The following CSF2RA variants were observed in gnomAD, a reference collection of about 807,000 sequenced individuals.
CSF2RA encodes the protein colony stimulating factor 2 receptor subunit alpha, also known as granulocyte-macrophage colony-stimulating factor receptor subunit alpha.
Under a neutral mutation model 51.6 loss-of-function variants are expected in CSF2RA, and 42 were observed. That is an observed-to-expected ratio of 0.81 (90% CI 0.64 to 1.05). The LOEUF (loss-of-function observed/expected upper bound fraction) is 1.05, where lower values mean the gene tolerates loss of function less well. Among genes scored for constraint, CSF2RA ranks in the 50% least tolerant of loss-of-function variants. The pLI is 0.00. For synonymous variants in CSF2RA, 222 were observed against 193.0 expected (o/e 1.15, Z -1.24); for missense variants, 530 against 501.1 (o/e 1.06, Z -0.55).
chrX:1,315,994 GGATAGACA>G, the CSF2RA span, among the ~76,000 whole-genome samples: 2 of 120,442 alleles, frequency 1.7e-5, no homozygotes, highest in African/African-American at 3.0e-5. Context: ...GATGATAGAT[GGATAGACA>G]GATAGATAGA....
chrX:1,314,240 ACC>A (rs1354551946), downstream of CSF2RA, among the ~76,000 whole-genome samples: 150 of 110,892 alleles, frequency 1.4e-3, 1 homozygote, highest in African/African-American at 3.2e-3. Context: ...CACCTGCCCA[ACC>A]CCACTGCACC....
chrX:1,302,063 C>T (rs1443854289), intron 10 of CSF2RA, among the ~76,000 whole-genome samples: 1 of 150,798 alleles, frequency 6.6e-6, no homozygotes, highest in Non-Finnish European at 1.5e-5. Flanking sequence ...ATTACAGGCG[C>T]CCGCCACCAC....
intron 8 of CSF2RA, among the ~76,000 whole-genome samples, chrX:1,294,853 C>A (rs867560815): frequency 6.0e-3 from 166 of 27,480 alleles, no homozygotes; most frequent in Middle Eastern, 0.025. Flanking sequence ...CCCACCTCCA[C>A]CTACACCCAG....
chrX:1,290,269 T>A, intron 6 of CSF2RA, 68 bp from the exon 7 acceptor site: 1 of 1,306,576 alleles, frequency 7.7e-7, no homozygotes, highest in Non-Finnish European at 1.1e-6. Context: ...TTGTTTTTGT[T>A]TTGTTTTGTG....
chrX:1,314,841 C>T (rs865926404), downstream of CSF2RA, among the ~76,000 whole-genome samples: 3 of 102,034 alleles, frequency 2.9e-5, no homozygotes, highest in African/African-American at 7.3e-5. Flanking sequence ...CGCACTGCAC[C>T]TGCCCAATCC....
At chrX:1,285,105 G>T (rs1337208898) in intron 3 of CSF2RA, among the ~76,000 whole-genome samples, 1 of 151,004 alleles carries the variant, frequency 6.6e-6, no homozygotes, top group Non-Finnish European at 1.5e-5. Flanking sequence ...TTGCTATGTT[G>T]CCCAGGCGGG....
intron 12 of CSF2RA, among the ~76,000 whole-genome samples, chrX:1,308,698 G>T (rs753005317): frequency 1.3e-5 from 2 of 151,844 alleles, no homozygotes; most frequent in African/African-American, 2.4e-5. Context: ...CCACCCCCAC[G>T]CCAGCCTCCT....
In CSF2RA at chrX:1,275,893, A is replaced by G. The variant is rs1436375358; in HGVS notation, c.-27+1075A>G. Among the ~76,000 whole-genome samples the G allele has an allele frequency of 2.0e-5, 3 of 151,020 alleles. No homozygotes were observed. In the East Asian group the frequency reaches 5.9e-4, roughly 30 times the overall value. On this transcript the variant is annotated intron_variant, in intron 2 of 12. Coordinates refer to ENST00000381529, the MANE Select transcript of CSF2RA (RefSeq NM_172245.4). ...TTTTTAGTAGCGACGGGGTTTCACC[A>G]TGTTGGCCAGGCTGGTCTCAAACTT...
intron 2 of CSF2RA, among the ~76,000 whole-genome samples, chrX:1,281,309 C>T (rs1411902598): frequency 1.5e-5 from 2 of 132,328 alleles, no homozygotes; most frequent in Non-Finnish European, 3.2e-5. Flanking sequence ...TCCTTCTCTT[C>T]CTTCTCCTCC....
chrX:1,314,481 T>TGCCC (rs1569514886), downstream of CSF2RA, among the ~76,000 whole-genome samples: 1,051 of 140,106 alleles, frequency 7.5e-3, 65 homozygotes, highest in Non-Finnish European at 0.013. Flanking sequence ...CCAATGCACC[T>TGCCC]ACCCAACCCC....
chrX:1,275,707 C>T (rs1276237566), intron 2 of CSF2RA, among the ~76,000 whole-genome samples: 21 of 151,578 alleles, frequency 1.4e-4, no homozygotes, highest in Admixed American at 2.6e-4. Context: ...TACAGGCGCC[C>T]ACCACCATGC....
intron 1 of CSF2RA, among the ~76,000 whole-genome samples, chrX:1,273,066 C>T (rs185289144): frequency 5.3e-4 from 81 of 151,788 alleles, no homozygotes; most frequent in Non-Finnish European, 1.0e-3. Context: ...GTGATCCACA[C>T]GCCTCAGCCT....
chrX:1,288,902 TC>T lies in CSF2RA; in HGVS notation c.473+15del, dbSNP rs1201318938. 3.2e-6 allele frequency: 5 copies of T among 1,574,246 alleles called. No individual in the cohort carries two copies. The highest frequency in any genetic ancestry group is 3.3e-4 in the Middle Eastern group (2 of 6,002). ...ACGAAACTCAAAGTAAGTGTTCACC[TC>T]ATGTGAAGAATTATGAGGAATGCAG... On this transcript the variant is annotated intron_variant, in intron 6 of 12. Coordinates refer to ENST00000381529, the MANE Select transcript of CSF2RA (RefSeq NM_172245.4).
chrX:1,319,057 A>G, the CSF2RA span, among the ~76,000 whole-genome samples: 27 of 137,400 alleles, frequency 2.0e-4, no homozygotes, highest in South Asian at 4.5e-3. Flanking sequence ...GTACAGTGGC[A>G]TGATCTCGGC....
rs1189505448 is a variant in CSF2RA at position 1,304,317 on chromosome X, T to G, written c.1043+298T>G. Among the ~76,000 whole-genome samples, 37 of 95,658 alleles carry G rather than the reference T, an allele frequency of 3.9e-4. 5 individuals carry two copies. The East Asian group carries it at 0.014, about 36-fold the overall frequency. 62.8% of individuals were successfully genotyped at this position (95,658 alleles called of 152,430 possible). On this transcript the variant is annotated intron_variant, in intron 11 of 12. Coordinates refer to ENST00000381529, the MANE Select transcript of CSF2RA (RefSeq NM_172245.4). ...CGGGAGGCTGAGGCAGGAGAATCGCTTGAACCCGGGAGGTGGAGGTTGCAG... is the reference window on the plus strand; with the variant it reads ...CGGGAGGCTGAGGCAGGAGAATCGCGTGAACCCGGGAGGTGGAGGTTGCAG...
chrX:1,303,972 C>T lies in CSF2RA; in HGVS notation c.996C>T (p.Ile332=), dbSNP rs186573135. The T allele has an allele frequency of 1.1e-5, 17 of 1,613,312 alleles. No homozygotes were observed. The highest frequency in any genetic ancestry group is 2.2e-5 in the East Asian group (1 of 44,782). Residue 332 remains isoleucine (I), a synonymous_variant, in exon 11 of 13, where the codon ATC becomes ATT. Coordinates refer to ENST00000381529, the MANE Select transcript of CSF2RA (RefSeq NM_172245.4). ...LGSVYIYVLL[I]VGTLVCGIVL... ...CTGTGTACATTTATGTGCTCCTAATCGTGGGAACCCTTGTCTGTGGCATCG... is the reference window on the plus strand; with the variant it reads ...CTGTGTACATTTATGTGCTCCTAATTGTGGGAACCCTTGTCTGTGGCATCG...
Position 1,305,753 on chromosome X carries a change from T to C in CSF2RA, c.1125+226T>C, listed in dbSNP as rs192363753. 139 of 1,551,568 alleles carry C rather than the reference T, an allele frequency of 9.0e-5. 1 individual carries two copies. The East Asian group carries it at 3.2e-3, about 35-fold the overall frequency. On this transcript the variant is annotated intron_variant, in intron 12 of 12. Transcript: ENST00000381529. Reference sequence around the variant, plus strand: ...CTCTGTGAGCTCCATCAGGAGAAACTGAGGCAGGGTGGTGGTCAAGAAAAG... The same window carrying C: ...CTCTGTGAGCTCCATCAGGAGAAACCGAGGCAGGGTGGTGGTCAAGAAAAG...
At chrX:1,314,878 C>T (rs1351902543), downstream of CSF2RA, among the ~76,000 whole-genome samples, 21 of 79,226 alleles carry the variant, frequency 2.7e-4, no homozygotes, top group Admixed American at 6.5e-4. Flanking sequence ...CCGCACTGCA[C>T]CTGCCCAACC....
downstream of CSF2RA, among the ~76,000 whole-genome samples, chrX:1,313,917 G>T (rs111961987): frequency 1.3e-5 from 2 of 151,838 alleles, no homozygotes; most frequent in African/African-American, 4.8e-5. Flanking sequence ...CTTGAACCTG[G>T]GAGGCAGAGG....
Sources: allele counts gnomAD v4.1 joint callset (sites outside exome capture counted in the v4.1 genomes callset), GRCh38; gene constraint gnomAD v4.1.1; transcripts MANE v1.5; gene names NCBI Gene and HGNC (gene_info 2026-07-23, HGNC 2026-07-21).